The following STRBP variants were observed in gnomAD, a reference collection of about 807,000 sequenced individuals.
STRBP encodes spermatid perinuclear RNA binding protein, also known as spermatid perinuclear RNA-binding protein.
STRBP carries 13 observed loss-of-function variants against 80.1 expected under a neutral mutation model. That is an observed-to-expected ratio of 0.16 (90% confidence interval 0.11 to 0.26). STRBP has a LOEUF of 0.26. Ranked by LOEUF, STRBP falls within the 10% of genes least tolerant of loss-of-function variation. The pLI is 1.00. For missense variants in STRBP, 485 were observed against 815.2 expected, an observed-to-expected ratio of 0.59 and a Z score of 4.93; for synonymous variants, 284 against 291.2, an observed-to-expected ratio of 0.98 and a Z score of 0.25.
intron 6 of STRBP, chr9:123,168,376 AT>A (rs895861869): frequency 6.0e-6 from 1 of 168,010 alleles, no homozygotes; most frequent in Admixed American, 6.5e-5. Context: ...ATGCCCTTTG[AT>A]TTTAAAATAT....
chr9:123,190,667 G>A (rs145874715), intron 2 of STRBP, among the ~76,000 whole-genome samples: 96 of 152,268 alleles, frequency 6.3e-4, no homozygotes, highest in African/African-American at 2.3e-3. Flanking sequence ...CTCAATTAAC[G>A]GTATGTACAA....
chr9:123,234,412 C>T (rs1220424035), intron 2 of STRBP, among the ~76,000 whole-genome samples: 1 of 150,548 alleles, frequency 6.6e-6, no homozygotes. Flanking sequence ...GAATCACAGA[C>T]TGTTAAAACT....
intron 1 of STRBP, among the ~76,000 whole-genome samples, chr9:123,266,801 C>T (rs2041276351): frequency 6.6e-6 from 1 of 152,026 alleles, no homozygotes; most frequent in Non-Finnish European, 1.5e-5. Context: ...CCTTACTCCA[C>T]TATAGGTATT....
chr9:123,161,456 A>C (rs368793999), intron 6 of STRBP, among the ~76,000 whole-genome samples: 11 of 152,320 alleles, frequency 7.2e-5, no homozygotes, highest in South Asian at 4.1e-4. Context: ...TAGCATTAAC[A>C]ATTTTTTTAA....
chr9:123,255,670 A>G (rs1011693118), intron 1 of STRBP, among the ~76,000 whole-genome samples: 1 of 152,238 alleles, frequency 6.6e-6, no homozygotes, highest in Non-Finnish European at 1.5e-5. Flanking sequence ...CTAGATTCTG[A>G]TGCCAGCAAT....
At chr9:123,211,283 T>G (rs189369476) in intron 2 of STRBP, among the ~76,000 whole-genome samples, 2 of 152,348 alleles carry the variant, frequency 1.3e-5, no homozygotes. Flanking sequence ...TCCAAATGAT[T>G]ACATCATAGA....
intron 1 of STRBP, among the ~76,000 whole-genome samples, chr9:123,260,289 A>G (rs2041132905): frequency 6.6e-6 from 1 of 152,222 alleles, no homozygotes; most frequent in Admixed American, 6.5e-5. Context: ...AGTGGGCAAT[A>G]ATTCCAGAGT....
intron 2 of STRBP, among the ~76,000 whole-genome samples, chr9:123,235,492 C>G (rs547202943): frequency 1.2e-4 from 13 of 112,588 alleles, no homozygotes; most frequent in Non-Finnish European, 1.9e-4. Flanking sequence ...TCTGTATGAA[C>G]TAAGAGCAAC....
chr9:123,111,400 C>T (rs2035564067), intron 3 of STRBP: 7 of 310,658 alleles, frequency 2.3e-5, no homozygotes, highest in South Asian at 1.9e-4. Context: ...CTCCTTGATC[C>T]ATTTCCATGA....
chr9:123,215,054 GC>G (rs1240073944), intron 2 of STRBP, among the ~76,000 whole-genome samples: 2 of 151,532 alleles, frequency 1.3e-5, no homozygotes, highest in African/African-American at 4.9e-5. Flanking sequence ...TGATGCCAAA[GC>G]CCAATTTCTT....
intron 2 of STRBP, among the ~76,000 whole-genome samples, chr9:123,216,017 C>T (rs2039885811): frequency 6.6e-6 from 1 of 152,180 alleles, no homozygotes; most frequent in South Asian, 2.1e-4. Context: ...AACCTACTCA[C>T]AGAAATAAGA....
Position 123,115,055 on chromosome 9 carries a change from T to C in STRBP, c.*84+874A>G, listed in dbSNP as rs1021056136. The C allele has an allele frequency of 6.4e-5, 25 of 389,236 alleles. No homozygotes were observed. In the Admixed American group the frequency reaches 7.7e-4, roughly 12 times the overall value. The allele number at this position is 389,236 out of a possible 1,614,324, so 24.1% of individuals were successfully genotyped here. A position where few individuals can be genotyped will look rare whatever the true frequency, so the allele number is the denominator to read the frequency against. On this transcript the variant is annotated intron_variant and NMD_transcript_variant, in intron 3 of 3. Transcript: ENST00000471564. The surrounding 1 kb of genome is among the most constrained non-coding windows in gnomAD (Gnocchi z 5.0). ...CCAATCGACCCTCTGGAACTCACTA[T>C]TGTGGACAATGGTCATCATTGAAGG...
At chr9:123,198,813 G>T (rs1402400531) in intron 2 of STRBP, among the ~76,000 whole-genome samples, 1 of 152,078 alleles carries the variant, frequency 6.6e-6, no homozygotes, top group Non-Finnish European at 1.5e-5. Flanking sequence ...CATGTAGCTT[G>T]CCAATTTTCC....
chr9:123,124,019 A>G lies in STRBP; in HGVS notation c.*1578T>C, dbSNP rs2035809828. On this transcript the variant is annotated 3_prime_UTR_variant, in exon 19 of 19. Transcript: ENST00000348403. ...GTATCACCCACCACTAATAAAGACAAAAGACCAAGGAGAAGAAACAAACTA... is the reference window on the plus strand; with the variant it reads ...GTATCACCCACCACTAATAAAGACAGAAGACCAAGGAGAAGAAACAAACTA... 2.0e-6 allele frequency: 2 copies of G among 985,344 alleles called. No individual in the cohort carries two copies. The highest frequency in any genetic ancestry group is 9.4e-5 in the South Asian group (2 of 21,298). 61.0% of individuals were successfully genotyped at this position (985,344 alleles called of 1,614,324 possible).
Position 123,228,647 on chromosome 9 carries a change from G to A in STRBP, c.-165+8183C>T, listed in dbSNP as rs540149147. Among the ~76,000 whole-genome samples, 4 of 152,298 alleles carry A rather than the reference G, an allele frequency of 2.6e-5. No individual in the cohort carries two copies. The South Asian group carries it at 8.3e-4, about 32-fold the overall frequency. On this transcript the variant is annotated intron_variant, in intron 2 of 18. Transcript: ENST00000348403. ...TTACTAATGACCTTGTCAAGGGCACGTTCAGCTAAGAAGTTTGGGAAATAG... is the reference window on the plus strand; with the variant it reads ...TTACTAATGACCTTGTCAAGGGCACATTCAGCTAAGAAGTTTGGGAAATAG...
chr9:123,142,423 A>G (rs2036627357), intron 13 of STRBP, among the ~76,000 whole-genome samples: 1 of 152,152 alleles, frequency 6.6e-6, no homozygotes, highest in South Asian at 2.1e-4. Flanking sequence ...CAGAATTGTG[A>G]GCCAATTAAA....
At chr9:123,165,815 A>T (rs1042284431) in intron 6 of STRBP, among the ~76,000 whole-genome samples, 1 of 152,176 alleles carries the variant, frequency 6.6e-6, no homozygotes, top group Non-Finnish European at 1.5e-5. Context: ...CTCATTTATA[A>T]AATGGCAATT....
At chr9:123,200,982 A>G (rs2039305597) in intron 2 of STRBP, among the ~76,000 whole-genome samples, 1 of 151,682 alleles carries the variant, frequency 6.6e-6, no homozygotes, top group African/African-American at 2.4e-5. Context: ...CGTTTCCAGG[A>G]ATTTGACCAT....
intron 2 of STRBP, among the ~76,000 whole-genome samples, chr9:123,221,018 GA>G (rs894671285): frequency 2.8e-4 from 42 of 152,164 alleles, no homozygotes; most frequent in African/African-American, 8.9e-4. Flanking sequence ...TGTTTATAGA[GA>G]TTTTTTTTAA....
Sources: gnomAD v4.1 joint callset for allele counts (sites outside exome capture counted in the v4.1 genomes callset) on GRCh38, gnomAD v4.1.1 for gene constraint, Gnocchi (gnomAD v3.1) non-coding constraint, MANE v1.5 for transcripts, NCBI Gene and HGNC (gene_info 2026-07-23, HGNC 2026-07-21) for gene names.